The following FAM167A variants were observed in gnomAD, a reference collection of about 807,000 sequenced individuals.
FAM167A encodes the protein protein FAM167A.
FAM167A carries 23 observed loss-of-function variants against 14.9 expected under a neutral mutation model. The ratio of observed to expected loss-of-function variants is 1.55; its 90% confidence interval spans 1.11 to 2.19. The LOEUF (loss-of-function observed/expected upper bound fraction) is 2.19, where lower values mean the gene tolerates loss of function less well. FAM167A is among the 30% of genes most tolerant of loss of function. The probability of loss-of-function intolerance (pLI) is 0.00; values close to 1 mark genes in which losing one functional copy is unlikely to be tolerated. For missense variants in FAM167A, 401 were observed against 281.5 expected (o/e 1.42, Z -3.04); for synonymous variants, 174 against 117.7 (o/e 1.48, Z -3.10).
Position 11,444,286 on chromosome 8 carries a change from G to C in FAM167A, c.126C>G (p.Arg42=), listed in dbSNP as rs1413123818. 5.0e-6 allele frequency: 8 copies of C among 1,611,862 alleles called. No homozygotes were observed. In the African/African-American group the frequency reaches 1.1e-4, roughly 22 times the overall value. ...CCTGCCATTCCAGGTAGGAGGGCCT[G>C]CGGGTCTCCAGCCTCAGTTTCTCGG... is the stretch of plus-strand genomic sequence containing the variant. ...ALTEKLRLET[R]RPSYLEWQAR... Residue 42 remains arginine, a synonymous_variant, in exon 2 of 3, where the codon CGC becomes CGG. Transcript: ENST00000284486.
chr8:11,462,305 A>C (rs1425470543), intron 1 of FAM167A, among the ~76,000 whole-genome samples: 2 of 152,220 alleles, frequency 1.3e-5, no homozygotes, highest in Admixed American at 1.3e-4. Flanking sequence ...TAGTTCTATG[A>C]CCTTGATCAA....
At chr8:11,470,832 C>T (rs1262515240), upstream of FAM167A, among the ~76,000 whole-genome samples, 1 of 152,020 alleles carries the variant, frequency 6.6e-6, no homozygotes, top group Non-Finnish European at 1.5e-5. Context: ...CATCCGTGGG[C>T]CCAGAGTTTC....
rs550591906 is a variant in FAM167A, at chr8:11,450,859, C to G, written c.-397-6051G>C. ...ACGGATGCCACCCACCCTGCCTGCC[C>G]TGACCACAAGTGTCCAGACATAGGT... On this transcript the variant is annotated intron_variant, in intron 1 of 2. Coordinates refer to ENST00000284486, the MANE Select transcript of FAM167A (RefSeq NM_053279.3). Among the ~76,000 whole-genome samples, 7 of 152,256 alleles carry G rather than the reference C, an allele frequency of 4.6e-5. 1 individual carries two copies. The highest frequency in any genetic ancestry group is 1.7e-4 in the African/African-American group (7 of 41,552).
At chr8:11,452,045 GA>G (rs1196034457) in intron 1 of FAM167A, among the ~76,000 whole-genome samples, 1 of 152,168 alleles carries the variant, frequency 6.6e-6, no homozygotes, top group Non-Finnish European at 1.5e-5. Context: ...AAAATGTCAT[GA>G]CAATCCAAAA....
At chr8:11,456,193 G>T (rs1460734814) in intron 1 of FAM167A, among the ~76,000 whole-genome samples, 1 of 40,336 alleles carries the variant, frequency 2.5e-5, no homozygotes, top group Non-Finnish European at 4.8e-5. Flanking sequence ...TGTGAATGTG[G>T]GGGGTGGTTG....
At chr8:11,456,064 T>TGTGTGA (rs1379650707) in intron 1 of FAM167A, among the ~76,000 whole-genome samples, 1 of 103,756 alleles carries the variant, frequency 9.6e-6, no homozygotes, top group East Asian at 2.8e-4. Flanking sequence ...TGCCTTGCTG[T>TGTGTGA]GTGTGAGTGT....
intron 2 of FAM167A, among the ~76,000 whole-genome samples, chr8:11,443,156 G>T (rs548033536): frequency 6.6e-6 from 1 of 152,310 alleles, no homozygotes; most frequent in East Asian, 1.9e-4. Flanking sequence ...TTGAGAGCTG[G>T]GGTAGGGTTA....
chr8:11,432,205 C>T (rs1038562010), intron 2 of FAM167A, among the ~76,000 whole-genome samples: 4 of 152,112 alleles, frequency 2.6e-5, no homozygotes, highest in African/African-American at 9.7e-5. Flanking sequence ...GGACTGATGT[C>T]TATGGGTCTA....
chr8:11,463,891 C>T (rs980782171), intron 1 of FAM167A, among the ~76,000 whole-genome samples: 6 of 152,148 alleles, frequency 3.9e-5, no homozygotes, highest in African/African-American at 1.2e-4. Context: ...GGTGGGGGAG[C>T]AAAGCCACCC....
intron 2 of FAM167A, 31 bp from the exon 3 acceptor site, chr8:11,424,667 C>A (rs1554522404): frequency 6.2e-7 from 1 of 1,609,174 alleles, no homozygotes; most frequent in South Asian, 1.1e-5. Flanking sequence ...GCAGGGTCAG[C>A]AGAGAGTGGC....
intron 2 of FAM167A, among the ~76,000 whole-genome samples, chr8:11,439,271 G>C (rs923051703): frequency 1.3e-5 from 2 of 152,272 alleles, no homozygotes; most frequent in African/African-American, 4.8e-5. Context: ...AGGTTCCCTA[G>C]ATGGGGGGTA....
intron 2 of FAM167A, chr8:11,435,118 C>T (rs973599229): frequency 2.2e-6 from 1 of 456,662 alleles, no homozygotes; most frequent in South Asian, 1.5e-5. Context: ...ACGGGACCCT[C>T]CTGTTCCCTT....
At chr8:11,445,131 A>G in intron 1 of FAM167A, 1 of 984,904 alleles carries the variant, frequency 1.0e-6, no homozygotes, top group Non-Finnish European at 1.2e-6. Flanking sequence ...CATATCCTAG[A>G]AGTTAAATGA....
At chr8:11,463,200 A>G (rs900934437) in intron 1 of FAM167A, among the ~76,000 whole-genome samples, 1 of 152,236 alleles carries the variant, frequency 6.6e-6, no homozygotes, top group Non-Finnish European at 1.5e-5. Flanking sequence ...AGTGGCTGCT[A>G]TCAAACAAAT....
chr8:11,447,181 TTCTTTTTC>T (rs1247992108), intron 1 of FAM167A, among the ~76,000 whole-genome samples: 1 of 110,842 alleles, frequency 9.0e-6, no homozygotes, highest in East Asian at 3.6e-4. Flanking sequence ...TTGGTTTCTT[TTCTTTTTC>T]TTTTTTTTGA....
upstream of FAM167A, among the ~76,000 whole-genome samples, chr8:11,470,219 T>G (rs1807913044): frequency 6.6e-6 from 1 of 151,274 alleles, no homozygotes; most frequent in African/African-American, 2.4e-5. Flanking sequence ...AGTGTGCACG[T>G]TTTCAGGCAA....
At chr8:11,430,683 A>T (rs1036552077) in intron 2 of FAM167A, among the ~76,000 whole-genome samples, 1 of 152,112 alleles carries the variant, frequency 6.6e-6, no homozygotes, top group African/African-American at 2.4e-5. Flanking sequence ...GTCACTAAAG[A>T]TGGTAATTAA....
rs540918529 is a variant in FAM167A, at chr8:11,466,394, C to T, written c.-398+232G>A. On this transcript the variant is annotated intron_variant, in intron 1 of 2. Coordinates refer to ENST00000284486, the MANE Select transcript of FAM167A (RefSeq NM_053279.3). Reference sequence around the variant, plus strand: ...GGGAGCTAGGAGATGAAGTCCAGCCCTGGCTGCCCGGCTCCTCTGGGAGGG... The same window carrying T: ...GGGAGCTAGGAGATGAAGTCCAGCCTTGGCTGCCCGGCTCCTCTGGGAGGG... 9.8e-5 allele frequency among the ~76,000 whole-genome samples: 15 copies of T among 152,354 alleles called. 1 individual carries two copies. In the South Asian group the frequency reaches 3.1e-3, roughly 32 times the overall value.
rs374693161 is a variant in FAM167A, at chr8:11,434,755, CATG to C, written c.381+9273_381+9275del. ...CCAGTCCTAGTGCAGCCTCTGATGA[CATG>C]ATGACTCTGGACAGGTGGCATGTGC... On this transcript the variant is annotated intron_variant, in intron 2 of 2. Coordinates refer to ENST00000284486, the MANE Select transcript of FAM167A (RefSeq NM_053279.3). 423 of 286,940 alleles carry C rather than the reference CATG, an allele frequency of 1.5e-3. 2 individuals carry two copies. The highest frequency in any genetic ancestry group is 9.0e-3 in the African/African-American group (408 of 45,362). 17.8% of individuals were successfully genotyped at this position (286,940 alleles called of 1,614,324 possible).
Sources: gnomAD v4.1 joint callset for allele counts (sites outside exome capture counted in the v4.1 genomes callset) on GRCh38, gnomAD v4.1.1 for gene constraint, MANE v1.5 for transcripts, NCBI Gene and HGNC (gene_info 2026-07-23, HGNC 2026-07-21) for gene names.